GLIS3: variants seen among roughly 807,000 people sequenced by gnomAD.
The protein encoded by GLIS3 is GLIS family zinc finger 3, also known as zinc finger protein GLIS3.
GLIS3 carries 53 observed loss-of-function variants against 78.6 expected under a neutral mutation model. That is an observed-to-expected ratio of 0.67 (90% CI 0.54 to 0.85). The LOEUF (loss-of-function observed/expected upper bound fraction) is 0.85, where lower values mean the gene tolerates loss of function less well. Ranked by LOEUF, GLIS3 falls within the 40% of genes least tolerant of loss-of-function variation. GLIS3 has a pLI of 0.00. For missense variants in GLIS3, 1,703 were observed against 1,231.1 expected (o/e 1.38, Z -5.74); for synonymous variants, 684 against 509.9 (o/e 1.34, Z -4.60).
chr9:3,890,802 T>A (rs1321210857), intron 7 of GLIS3, among the ~76,000 whole-genome samples: 1 of 152,122 alleles, frequency 6.6e-6, no homozygotes, highest in South Asian at 2.1e-4. Context: ...TACTTTTGAA[T>A]GACCAAACCC....
chr9:4,408,373 T>C, the GLIS3 span, among the ~76,000 whole-genome samples: 3 of 149,190 alleles, frequency 2.0e-5, no homozygotes, highest in African/African-American at 5.0e-5. Context: ...CTATAGAGAA[T>C]AGAACGATGG....
chr9:4,188,113 G>C (rs1247395806), intron 2 of GLIS3, among the ~76,000 whole-genome samples: 2 of 151,450 alleles, frequency 1.3e-5, no homozygotes, highest in African/African-American at 4.8e-5. Context: ...TGCCCATTCA[G>C]TATGATATTG....
chr9:4,286,668 T>C (rs1270550273), intron 1 of GLIS3, 145 bp from the exon 2 acceptor site: 8 of 567,026 alleles, frequency 1.4e-5, no homozygotes, highest in Non-Finnish European at 1.6e-5. Context: ...GGTCCTCAAA[T>C]ACACGGCTCA....
intron 4 of GLIS3, among the ~76,000 whole-genome samples, chr9:4,014,721 T>A (rs1459265190): frequency 6.6e-6 from 1 of 152,198 alleles, no homozygotes; most frequent in Non-Finnish European, 1.5e-5. Context: ...CAATTTGGGG[T>A]ACTTTGTTAG....
At chr9:4,141,262 G>A (rs1355527552) in intron 2 of GLIS3, among the ~76,000 whole-genome samples, 1 of 152,184 alleles carries the variant, frequency 6.6e-6, no homozygotes, top group Non-Finnish European at 1.5e-5. Flanking sequence ...AAGAACAACA[G>A]TTTGATGGTC....
chr9:4,266,433 A>AAGT (rs1563862363), intron 2 of GLIS3, among the ~76,000 whole-genome samples: 1 of 152,146 alleles, frequency 6.6e-6, no homozygotes, highest in East Asian at 1.9e-4. Flanking sequence ...CAAAAGAACC[A>AAGT]TCACCACAAG....
chr9:4,355,707 A>G, the GLIS3 span, among the ~76,000 whole-genome samples: 2 of 152,170 alleles, frequency 1.3e-5, no homozygotes, highest in African/African-American at 2.4e-5. Context: ...CTAATGTCAT[A>G]TAGTTAATTG....
At chr9:4,217,321 G>A (rs1309461009) in intron 2 of GLIS3, among the ~76,000 whole-genome samples, 1 of 152,142 alleles carries the variant, frequency 6.6e-6, no homozygotes, top group East Asian at 1.9e-4. Flanking sequence ...AAGCACTGTG[G>A]TATTTAAAAA....
the GLIS3 span, among the ~76,000 whole-genome samples, chr9:4,453,363 A>AG: frequency 6.7e-6 from 1 of 150,032 alleles, no homozygotes; most frequent in Admixed American, 6.6e-5. Flanking sequence ...AAAAAAAAAA[A>AG]AGAAAAAACT....
At chr9:4,463,502 T>C in the GLIS3 span, among the ~76,000 whole-genome samples, 1 of 152,204 alleles carries the variant, frequency 6.6e-6, no homozygotes, top group African/African-American at 2.4e-5. Context: ...TTTCTTTTAA[T>C]GTTGGCAATC....
At chr9:4,365,561 AAAAG>A in the GLIS3 span, among the ~76,000 whole-genome samples, 5 of 151,892 alleles carry the variant, frequency 3.3e-5, no homozygotes, top group African/African-American at 1.2e-4. Context: ...ATCTCAAAAA[AAAAG>A]AAAAAAGAAA....
At chr9:3,991,902 G>A (rs1260682617) in intron 4 of GLIS3, among the ~76,000 whole-genome samples, 1 of 151,940 alleles carries the variant, frequency 6.6e-6, no homozygotes, top group Middle Eastern at 3.2e-3. Flanking sequence ...GTATTGGCCA[G>A]GACAGTCTTG....
Position 4,062,783 on chromosome 9 carries a change from G to A in GLIS3, c.1710+54985C>T, listed in dbSNP as rs187232038. Among the ~76,000 whole-genome samples the A allele has an allele frequency of 9.9e-5, 15 of 152,218 alleles. No individual in the cohort carries two copies. In the East Asian group the frequency reaches 2.9e-3, roughly 29 times the overall value. On this transcript the variant is annotated intron_variant, in intron 4 of 10. Coordinates refer to ENST00000381971, the MANE Select transcript of GLIS3 (RefSeq NM_001042413.2). ...TCTACTAAAAATACAAAAAAAATTA[G>A]CCAGGCACGGTGGCGGGCACCTGTA...
At chr9:4,039,806 A>T (rs1824647119) in intron 4 of GLIS3, among the ~76,000 whole-genome samples, 1 of 152,190 alleles carries the variant, frequency 6.6e-6, no homozygotes, top group Non-Finnish European at 1.5e-5. Flanking sequence ...ATAATGTCAC[A>T]ATGGTCAAGT....
At chr9:3,889,255 A>G (rs1032896260) in intron 7 of GLIS3, among the ~76,000 whole-genome samples, 10 of 152,176 alleles carry the variant, frequency 6.6e-5, no homozygotes, top group African/African-American at 2.4e-4. Flanking sequence ...ACAATGGCCC[A>G]GGCTGCTTCT....
At chr9:4,262,272 T>C (rs991584029) in intron 2 of GLIS3, among the ~76,000 whole-genome samples, 7 of 152,156 alleles carry the variant, frequency 4.6e-5, no homozygotes, top group Admixed American at 6.5e-5. Context: ...GTAAAAATCC[T>C]CATTTGAGAG....
intron 4 of GLIS3, among the ~76,000 whole-genome samples, chr9:3,939,572 T>C (rs753434953): frequency 7.9e-5 from 12 of 152,162 alleles, no homozygotes; most frequent in Non-Finnish European, 1.6e-4. Flanking sequence ...ATAGCAAGGA[T>C]AGAGGAAAAT....
In GLIS3 at chr9:4,145,838, A is replaced by T. The variant is rs938765475; in HGVS notation, c.389-19897T>A. ...CCCAGAGAGAGTAATCTTCTCTGGG[A>T]AGTGCATACCCGCTCAGTAGAATTT... On this transcript the variant is annotated intron_variant, in intron 2 of 10. Coordinates refer to ENST00000381971, the MANE Select transcript of GLIS3 (RefSeq NM_001042413.2). 5.3e-5 allele frequency among the ~76,000 whole-genome samples: 8 copies of T among 152,028 alleles called. 2 individuals are homozygous for T. Among genetic ancestry groups the T allele is most frequent in the Admixed American group, 5.2e-4 (8 of 15,256 alleles).
intron 2 of GLIS3, among the ~76,000 whole-genome samples, chr9:4,141,314 A>G (rs1324166867): frequency 6.6e-6 from 1 of 152,116 alleles, no homozygotes; most frequent in East Asian, 1.9e-4. Flanking sequence ...AGTGGGGGTA[A>G]AAGGTATGGC....
Sources: allele counts gnomAD v4.1 joint callset (sites outside exome capture counted in the v4.1 genomes callset), GRCh38; gene constraint gnomAD v4.1.1; transcripts MANE v1.5; gene names NCBI Gene and HGNC (gene_info 2026-07-23, HGNC 2026-07-21).